Variants in SP4 observed in about 807,000 individuals in gnomAD.
SP4 encodes Sp4 transcription factor.
Under a neutral mutation model 72.8 loss-of-function variants are expected in SP4, and 19 were observed. The ratio of observed to expected loss-of-function variants is 0.26; its 90% confidence interval spans 0.18 to 0.38. The LOEUF is 0.38. Ranked by LOEUF, SP4 falls within the 10% of genes least tolerant of loss-of-function variation. The pLI is 1.00. For missense variants in SP4, 1,008 were observed against 926.3 expected, an observed-to-expected ratio of 1.09 and a Z score of -1.14; for synonymous variants, 395 against 333.1, an observed-to-expected ratio of 1.19 and a Z score of -2.02.
chr7:21,474,929 G>T (rs966003557), intron 3 of SP4, among the ~76,000 whole-genome samples: 15 of 152,212 alleles, frequency 9.9e-5, no homozygotes, highest in African/African-American at 3.6e-4. Context: ...TAACGGTGCT[G>T]TGGATACGCA....
chr7:21,451,403 T>C (rs2158414), intron 3 of SP4, among the ~76,000 whole-genome samples: 113,540 of 152,114 alleles, frequency 0.75, 43,273 homozygotes, highest in African/African-American at 0.9. Flanking sequence ...AGGGGGTGCT[T>C]TCTGTCCTGC....
Position 21,428,654 on chromosome 7 carries a change from TGTG to T in SP4, c.8-18_8-16del. 6.7e-7 allele frequency: 1 copy of T among 1,500,470 alleles called. No individual in the cohort carries two copies. The highest frequency in any genetic ancestry group is 9.1e-7 in the Non-Finnish European group (1 of 1,102,914). 92.9% of individuals were successfully genotyped at this position (1,500,470 alleles called of 1,614,324 possible). A position where few individuals can be genotyped will look rare whatever the true frequency, so the allele number is the denominator to read the frequency against. Reference sequence around the variant, plus strand: ...TCCTAATAACCTGTTGTCGTGTGTGTGTGGTGGGGGGGTTTGTTGCAGATCAGA... The same window carrying T: ...TCCTAATAACCTGTTGTCGTGTGTGTGTGGGGGGGTTTGTTGCAGATCAGA... On this transcript the variant is annotated intron_variant, in intron 1 of 5. Coordinates refer to ENST00000222584, the MANE Select transcript of SP4 (RefSeq NM_003112.5).
chr7:21,504,093 T>A (rs537566513), intron 5 of SP4, among the ~76,000 whole-genome samples: 2 of 152,132 alleles, frequency 1.3e-5, no homozygotes, highest in Non-Finnish European at 2.9e-5. Context: ...GCAGGCTACA[T>A]AGTCTAATTT....
intron 3 of SP4, among the ~76,000 whole-genome samples, chr7:21,443,884 C>T (rs1038945004): frequency 6.6e-6 from 1 of 152,204 alleles, no homozygotes; most frequent in Non-Finnish European, 1.5e-5. Flanking sequence ...CAGGTTGAGA[C>T]AAATCTTTGA....
intron 3 of SP4, among the ~76,000 whole-genome samples, chr7:21,454,703 C>T (rs761227232): frequency 1.1e-4 from 16 of 152,114 alleles, no homozygotes; most frequent in Non-Finnish European, 2.2e-4. Flanking sequence ...AGGCTTTTCC[C>T]AATACATGTG....
chr7:21,483,012 A>G (rs898214969), intron 5 of SP4, among the ~76,000 whole-genome samples: 1 of 152,078 alleles, frequency 6.6e-6, no homozygotes, highest in South Asian at 2.1e-4. Context: ...GAGAATGTGT[A>G]TGTTTGGTTT....
chr7:21,483,090 T>C (rs1784730595), intron 5 of SP4, among the ~76,000 whole-genome samples: 1 of 152,126 alleles, frequency 6.6e-6, no homozygotes, highest in African/African-American at 2.4e-5. Flanking sequence ...GTTTCCACTT[T>C]GTGCTCACCA....
chr7:21,440,474 A>G lies in SP4; in HGVS notation c.1678+9631A>G, dbSNP rs183964031. Among the ~76,000 whole-genome samples the G allele has an allele frequency of 6.6e-5, 10 of 152,258 alleles. No individual in the cohort carries two copies. The East Asian group carries it at 9.7e-4, about 15-fold the overall frequency. ...TCAGAGGTAAACGAGAAATTTGTAT[A>G]AGAGGAATTTCAGAAAGCTTTGGTA... On this transcript the variant is annotated intron_variant, in intron 3 of 5. Transcript: ENST00000222584.
In SP4 at chr7:21,470,172, T is replaced by C. The variant is rs574630133; in HGVS notation, c.1679-6907T>C. On this transcript the variant is annotated intron_variant, in intron 3 of 5. Transcript: ENST00000222584. Reference sequence around the variant, plus strand: ...TGCTGGCCGAGTTTCGTAAGAAAGCTTCTATGTTTGTATAGATTTTAGATT... The same window carrying C: ...TGCTGGCCGAGTTTCGTAAGAAAGCCTCTATGTTTGTATAGATTTTAGATT... 3.9e-5 allele frequency among the ~76,000 whole-genome samples: 6 copies of C among 152,368 alleles called. No homozygotes were observed. In the South Asian group the frequency reaches 8.3e-4, roughly 21 times the overall value.
intron 2 of SP4, 65 bp from the exon 3 acceptor site, chr7:21,429,224 G>T (rs953764991): frequency 3.5e-6 from 3 of 851,398 alleles, no homozygotes; most frequent in South Asian, 1.7e-5. Flanking sequence ...GCAACTACTG[G>T]CCTCCACTAA....
At chr7:21,489,192 T>C (rs1310084404) in intron 5 of SP4, among the ~76,000 whole-genome samples, 1 of 152,198 alleles carries the variant, frequency 6.6e-6, no homozygotes, top group Non-Finnish European at 1.5e-5. Flanking sequence ...ATTATAAGCT[T>C]AAGTGGAAAT....
Position 21,428,193 on chromosome 7 carries a change from C to A in SP4, c.-59C>A. ...CCGGCCTCTCCTCCCGCCTCGCCCC[C>A]ACCCCCACCCACCTCTATCCCAGTG... On this transcript the variant is annotated 5_prime_UTR_variant, in exon 1 of 6. Coordinates refer to ENST00000222584, the MANE Select transcript of SP4 (RefSeq NM_003112.5). The A allele has an allele frequency of 5.9e-6, 5 of 840,656 alleles. No homozygotes were observed. The highest frequency in any genetic ancestry group is 3.2e-5 in the East Asian group (1 of 31,370). 52.1% of individuals were successfully genotyped at this position (840,656 alleles called of 1,614,324 possible). A position where few individuals can be genotyped will look rare whatever the true frequency, so the allele number is the denominator to read the frequency against.
In SP4 at chr7:21,477,249, G is replaced by A; in HGVS notation, c.1849G>A (p.Gly617Ser). 9.9e-6 allele frequency: 16 copies of A among 1,614,180 alleles called. No individual in the cohort carries two copies. The highest frequency in any genetic ancestry group is 1.4e-5 in the Non-Finnish European group (16 of 1,180,028). ...QQTSDQEVQP[G>S]KRLRRVACSC... ...GACTTCTGATCAAGAGGTACAACCT[G>A]GCAAGAGGCTTCGAAGAGTTGCCTG... The change falls in exon 4 of 6, where the codon GGC becomes AGC. Residue 617 changes from glycine (G) to serine (S), a missense_variant. Physicochemically the swap from Gly to Ser is moderately conservative, Grantham distance 56. This residue lies in a region of SP4 where 893 missense variants were observed against 743.3 expected (regional missense o/e 1.20). Transcript: ENST00000222584.
At chr7:21,507,115 G>A (rs1209382589) in intron 5 of SP4, among the ~76,000 whole-genome samples, 1 of 152,176 alleles carries the variant, frequency 6.6e-6, no homozygotes, top group Non-Finnish European at 1.5e-5. Context: ...CAGCCCAGGT[G>A]TAAGAGCTGT....
At chr7:21,459,276 C>T (rs1420591382) in intron 3 of SP4, among the ~76,000 whole-genome samples, 7 of 152,130 alleles carry the variant, frequency 4.6e-5, no homozygotes, top group African/African-American at 7.2e-5. Flanking sequence ...TGTACTACCA[C>T]GCCCGGCTAA....
chr7:21,504,392 G>T (rs1347705235), intron 5 of SP4, among the ~76,000 whole-genome samples: 3 of 152,114 alleles, frequency 2.0e-5, no homozygotes, highest in Non-Finnish European at 4.4e-5. Context: ...CTTTATGGCC[G>T]GGTTAAGACC....
chr7:21,441,375 T>C (rs1783239646), intron 3 of SP4, among the ~76,000 whole-genome samples: 1 of 152,218 alleles, frequency 6.6e-6, no homozygotes, highest in South Asian at 2.1e-4. Flanking sequence ...GTGTGCTTCC[T>C]AGAGGCTTAG....
chr7:21,502,504 C>T (rs1445922736), intron 5 of SP4, among the ~76,000 whole-genome samples: 1 of 152,084 alleles, frequency 6.6e-6, no homozygotes, highest in Non-Finnish European at 1.5e-5. Flanking sequence ...CGGTATAGAG[C>T]CAACATGCAA....
chr7:21,497,161 A>C (rs1333658295), intron 5 of SP4, among the ~76,000 whole-genome samples: 2 of 152,228 alleles, frequency 1.3e-5, no homozygotes, highest in African/African-American at 4.8e-5. Flanking sequence ...ATCTGGGAGA[A>C]GGCATTTCTC....
Sources: allele counts gnomAD v4.1 joint callset (sites outside exome capture counted in the v4.1 genomes callset), GRCh38; gene constraint gnomAD v4.1.1; regional missense constraint gnomAD v4.1.1; transcripts MANE v1.5; gene names NCBI Gene and HGNC (gene_info 2026-07-23, HGNC 2026-07-21).